Variants in LRRTM4 observed in about 807,000 individuals in gnomAD.
LRRTM4 encodes the protein leucine-rich repeat transmembrane neuronal protein 4.
Under a neutral mutation model 47.6 loss-of-function variants are expected in LRRTM4, and 25 were observed. The observed-to-expected ratio is 0.53, with a 90% CI of 0.38 to 0.73. The LOEUF (loss-of-function observed/expected upper bound fraction) is 0.73, where lower values mean the gene tolerates loss of function less well. Ranked by LOEUF, LRRTM4 falls within the 30% of genes least tolerant of loss-of-function variation. LRRTM4 has a pLI of 0.00. For synonymous variants in LRRTM4, 311 were observed against 269.5 expected (o/e 1.15, Z -1.51); for missense variants, 638 against 713.4 (o/e 0.89, Z 1.20).
intron 3 of LRRTM4, among the ~76,000 whole-genome samples, chr2:77,263,800 T>C (rs1260385980): frequency 6.6e-6 from 1 of 152,136 alleles, no homozygotes; most frequent in Non-Finnish European, 1.5e-5. Flanking sequence ...CCCTACTATA[T>C]CCTATAGAAG....
chr2:76,897,024 C>G (rs1201907835), intron 3 of LRRTM4, among the ~76,000 whole-genome samples: 1 of 151,816 alleles, frequency 6.6e-6, no homozygotes, highest in African/African-American at 2.4e-5. Flanking sequence ...TGAGGAAGCC[C>G]AGCATACTTT....
chr2:77,442,315 TG>T (rs1675875644), intron 3 of LRRTM4, among the ~76,000 whole-genome samples: 1 of 152,196 alleles, frequency 6.6e-6, no homozygotes, highest in Non-Finnish European at 1.5e-5. Context: ...GTATTTTCTT[TG>T]GCAGTCTTTT....
chr2:77,059,868 C>A (rs1488329952), intron 3 of LRRTM4, among the ~76,000 whole-genome samples: 1 of 152,170 alleles, frequency 6.6e-6, no homozygotes. Context: ...ATATCTCCAA[C>A]TTCTCTCAAG....
intron 3 of LRRTM4, among the ~76,000 whole-genome samples, chr2:76,865,112 A>C (rs973185834): frequency 1.3e-5 from 2 of 152,118 alleles, no homozygotes; most frequent in Admixed American, 6.5e-5. Flanking sequence ...CTGATAGCAC[A>C]ATAAACACTT....
rs965240335 is a variant in LRRTM4, at chr2:77,025,580, A to G, written c.1552-276664T>C. On this transcript the variant is annotated intron_variant, in intron 3 of 3. Transcript: ENST00000409884. ...CCTTCCCTTTCAATAATCATCATCC[A>G]AATAAATAAGATCAATATTCTGTTT... Among the ~76,000 whole-genome samples the G allele has an allele frequency of 3.3e-5, 5 of 152,270 alleles. 1 individual carries two copies. The highest frequency in any genetic ancestry group is 4.1e-4 in the South Asian group (2 of 4,832).
At chr2:76,834,300 C>G (rs1017413644) in intron 3 of LRRTM4, among the ~76,000 whole-genome samples, 1 of 151,758 alleles carries the variant, frequency 6.6e-6, no homozygotes, top group East Asian at 1.9e-4. Flanking sequence ...ATCTGCCTGC[C>G]TCGTCCTCCC....
At chr2:77,274,260 G>A (rs1423744988) in intron 3 of LRRTM4, among the ~76,000 whole-genome samples, 1 of 152,052 alleles carries the variant, frequency 6.6e-6, no homozygotes, top group East Asian at 1.9e-4. Flanking sequence ...AAAGGTTAAT[G>A]AGCATCCAGA....
At chr2:76,806,806 T>C (rs988451263) in intron 3 of LRRTM4, among the ~76,000 whole-genome samples, 2 of 152,092 alleles carry the variant, frequency 1.3e-5, no homozygotes, top group African/African-American at 4.8e-5. Context: ...TATAATGACA[T>C]ATAGCCGATT....
intron 3 of LRRTM4, among the ~76,000 whole-genome samples, chr2:77,202,407 T>C (rs920298738): frequency 2.6e-5 from 4 of 152,108 alleles, no homozygotes; most frequent in Admixed American, 1.3e-4. Flanking sequence ...CAATTATTAT[T>C]AGAAGTAGCA....
intron 3 of LRRTM4, among the ~76,000 whole-genome samples, chr2:76,954,823 A>T (rs894997970): frequency 6.6e-6 from 1 of 151,906 alleles, no homozygotes; most frequent in Non-Finnish European, 1.5e-5. Flanking sequence ...AACTCACCAC[A>T]TCACATACAT....
At chr2:77,191,639 G>A (rs1217019528) in intron 3 of LRRTM4, among the ~76,000 whole-genome samples, 1 of 151,754 alleles carries the variant, frequency 6.6e-6, no homozygotes, top group Non-Finnish European at 1.5e-5. Flanking sequence ...TAAAGAATAT[G>A]TAAAAAATGA....
chr2:77,260,157 C>A (rs1205521757), intron 3 of LRRTM4, among the ~76,000 whole-genome samples: 2 of 151,928 alleles, frequency 1.3e-5, no homozygotes, highest in Non-Finnish European at 2.9e-5. Context: ...GGTTATATTT[C>A]TCAAATGTAC....
intron 3 of LRRTM4, among the ~76,000 whole-genome samples, chr2:76,965,613 A>G (rs1405762014): frequency 6.6e-6 from 1 of 151,316 alleles, no homozygotes; most frequent in Non-Finnish European, 1.5e-5. Flanking sequence ...CAGGTTAAAA[A>G]AAACAGTATT....
chr2:77,345,435 T>G (rs1285110149), intron 3 of LRRTM4, among the ~76,000 whole-genome samples: 1 of 151,564 alleles, frequency 6.6e-6, no homozygotes, highest in Non-Finnish European at 1.5e-5. Context: ...ATATAAAGAA[T>G]TCTAAAAACT....
At chr2:77,115,239 C>A (rs1237588304) in intron 3 of LRRTM4, among the ~76,000 whole-genome samples, 2 of 152,180 alleles carry the variant, frequency 1.3e-5, no homozygotes, top group African/African-American at 2.4e-5. Flanking sequence ...CTATTCTGCT[C>A]GACCCCGCAG....
intron 3 of LRRTM4, among the ~76,000 whole-genome samples, chr2:77,334,582 C>T (rs533397274): frequency 2.6e-5 from 4 of 152,284 alleles, no homozygotes; most frequent in Admixed American, 6.5e-5. Flanking sequence ...TTTCACCTTC[C>T]ACCATTATTG....
chr2:76,787,346 T>C (rs1159334950), intron 3 of LRRTM4, among the ~76,000 whole-genome samples: 1 of 152,088 alleles, frequency 6.6e-6, no homozygotes, highest in African/African-American at 2.4e-5. Flanking sequence ...TCATAATTAT[T>C]TTCATCTCTT....
At chr2:76,959,828 A>C (rs1369484212) in intron 3 of LRRTM4, among the ~76,000 whole-genome samples, 1 of 151,634 alleles carries the variant, frequency 6.6e-6, no homozygotes, top group Non-Finnish European at 1.5e-5. Flanking sequence ...TGTCATTTAC[A>C]TTATTTAAAA....
At chr2:76,973,073 C>T (rs1676276769) in intron 3 of LRRTM4, among the ~76,000 whole-genome samples, 1 of 151,858 alleles carries the variant, frequency 6.6e-6, no homozygotes, top group Non-Finnish European at 1.5e-5. Flanking sequence ...CATGTTTTGA[C>T]TTGTTGAGGA....
Sources: gnomAD v4.1 joint callset for allele counts (sites outside exome capture counted in the v4.1 genomes callset) on GRCh38, gnomAD v4.1.1 for gene constraint, MANE v1.5 for transcripts, NCBI Gene and HGNC (gene_info 2026-07-23, HGNC 2026-07-21) for gene names.